R3HDM1: variants seen among roughly 807,000 people sequenced by gnomAD.
R3HDM1 encodes R3H domain containing 1.
Under a neutral mutation model 141.1 loss-of-function variants are expected in R3HDM1, and 46 were observed. The ratio of observed to expected loss-of-function variants is 0.33; its 90% CI spans 0.26 to 0.42. The LOEUF is 0.42. Ranked by LOEUF, R3HDM1 falls within the 10% of genes least tolerant of loss-of-function variation. The pLI is 1.00. For synonymous variants in R3HDM1, 435 were observed against 472.9 expected (o/e 0.92, Z 1.04); for missense variants, 1,184 against 1,368.3 (o/e 0.87, Z 2.12).
chr2:135,626,389 A>T (rs1185285285), intron 7 of R3HDM1, among the ~76,000 whole-genome samples: 1 of 152,178 alleles, frequency 6.6e-6, no homozygotes, highest in Admixed American at 6.5e-5. Flanking sequence ...TTAGATTCAG[A>T]AGTTAGAAAT....
intron 1 of R3HDM1, among the ~76,000 whole-genome samples, chr2:135,534,913 T>C (rs1695725819): frequency 6.6e-6 from 1 of 152,200 alleles, no homozygotes; most frequent in Non-Finnish European, 1.5e-5. Flanking sequence ...AGAAATAAAG[T>C]AGTGAAAATT....
chr2:135,556,307 CACT>C (rs1700751029), intron 1 of R3HDM1, among the ~76,000 whole-genome samples: 1 of 152,026 alleles, frequency 6.6e-6, no homozygotes, highest in African/African-American at 2.4e-5. Context: ...GTGAGGGTCA[CACT>C]ACTCCGAATA....
At chr2:135,621,650 A>C in intron 6 of R3HDM1, 42 bp downstream of exon 6, 1 of 1,485,502 alleles carries the variant, frequency 6.7e-7, no homozygotes, top group Admixed American at 2.4e-5. Flanking sequence ...AAATTTTGCT[A>C]TCAGTAATTC....
At chr2:135,677,018 T>C (rs532406121) in intron 20 of R3HDM1, among the ~76,000 whole-genome samples, 21 of 152,314 alleles carry the variant, frequency 1.4e-4, no homozygotes, top group African/African-American at 4.3e-4. Context: ...GGTTAAGGAC[T>C]TGATTTGAAG....
At chr2:135,605,112 G>C in intron 3 of R3HDM1, 96 bp downstream of exon 3, 2 of 1,143,654 alleles carry the variant, frequency 1.7e-6, no homozygotes, top group Non-Finnish European at 2.4e-6. Context: ...ATTCTAAAAG[G>C]GTAAGTTGAC....
intron 1 of R3HDM1, among the ~76,000 whole-genome samples, chr2:135,549,178 A>G (rs1239916395): frequency 6.6e-6 from 1 of 152,230 alleles, no homozygotes; most frequent in Non-Finnish European, 1.5e-5. Context: ...ATGCATTTAT[A>G]TGCATATGCA....
chr2:135,706,425 AGG>A (rs1427526906), intron 21 of R3HDM1, among the ~76,000 whole-genome samples: 3 of 148,916 alleles, frequency 2.0e-5, no homozygotes, highest in East Asian at 3.9e-4. Context: ...TTTCTCGCAG[AGG>A]GGGATTTGGC....
intron 21 of R3HDM1, among the ~76,000 whole-genome samples, chr2:135,705,720 A>G (rs1045027732): frequency 1.3e-5 from 2 of 152,148 alleles, no homozygotes; most frequent in African/African-American, 2.4e-5. Context: ...CATTTTTTTT[A>G]TCATGGCTTC....
chr2:135,605,081 A>G lies in R3HDM1; in HGVS notation c.171+65A>G. 3.8e-6 allele frequency: 5 copies of G among 1,331,270 alleles called. No homozygotes were observed. In the South Asian group the frequency reaches 4.3e-5, roughly 11 times the overall value. 82.5% of individuals were successfully genotyped at this position (1,331,270 alleles called of 1,614,324 possible). A position where few individuals can be genotyped will look rare whatever the true frequency, so the allele number is the denominator to read the frequency against. On this transcript the variant is annotated intron_variant, in intron 3 of 26. Coordinates refer to ENST00000683871, the MANE Select transcript of R3HDM1 (RefSeq NM_001378107.1). ...TCAGTATATATTTATGTTTATTTTC[A>G]TACAAAACTCACTTCTCAAAATTCT...
chr2:135,588,747 A>C (rs907460607), intron 1 of R3HDM1, among the ~76,000 whole-genome samples: 1 of 152,086 alleles, frequency 6.6e-6, no homozygotes, highest in Admixed American at 6.6e-5. Context: ...GATTTATAGA[A>C]AGCAATTTAA....
chr2:135,720,292 A>C (rs1167492782), intron 24 of R3HDM1, among the ~76,000 whole-genome samples: 4 of 152,124 alleles, frequency 2.6e-5, no homozygotes, highest in African/African-American at 9.7e-5. Context: ...AGGCATCTTC[A>C]CTGTGTTCAC....
chr2:135,531,536 T>A lies in R3HDM1; in HGVS notation c.-347T>A, dbSNP rs1048082456. The A allele has an allele frequency of 1.0e-6, 1 of 984,194 alleles. No homozygotes were observed. The highest frequency in any genetic ancestry group is 1.8e-5 in the African/African-American group (1 of 56,622). 61.0% of individuals were successfully genotyped at this position (984,194 alleles called of 1,614,324 possible). A position where few individuals can be genotyped will look rare whatever the true frequency, so the allele number is the denominator to read the frequency against. ...GCCGGTGTCCGGGCTGGTGATGGGG[T>A]TAATTCCCTTTCGTAAGACTCTTAC... On this transcript the variant is annotated 5_prime_UTR_variant, in exon 1 of 27. Transcript: ENST00000683871.
chr2:135,660,957 C>A (rs1485334569), intron 18 of R3HDM1, among the ~76,000 whole-genome samples: 1 of 151,668 alleles, frequency 6.6e-6, no homozygotes, highest in Admixed American at 6.6e-5. Context: ...ATAATGGCTT[C>A]TATGGAAGTT....
At chr2:135,692,692 A>C (rs1217951675) in intron 21 of R3HDM1, among the ~76,000 whole-genome samples, 6 of 152,144 alleles carry the variant, frequency 3.9e-5, no homozygotes, top group African/African-American at 1.4e-4. Context: ...TTAAAAAAAA[A>C]GGCCAAAAAT....
Position 135,645,401 on chromosome 2 carries a change from T to C in R3HDM1, c.1497T>C (p.Asp499=), listed in dbSNP as rs1246971044. 1 of 1,611,280 alleles carries C rather than the reference T, an allele frequency of 6.2e-7. No individual in the cohort carries two copies. The highest frequency in any genetic ancestry group is 8.5e-7 in the Non-Finnish European group (1 of 1,177,868). ...CAGGTCAGCCCTTCATAAACCCAGA[T>C]GGGAGTCCAGTTGTGTATAATCCTC... The part of the protein sequence containing the change: ...PQTGQPFINP[D]GSPVVYNPPM... Residue 499 remains aspartate, a synonymous_variant, in exon 16 of 27, where the codon GAT becomes GAC. Transcript: ENST00000683871.
chr2:135,613,059 G>A (rs577484933), intron 3 of R3HDM1, among the ~76,000 whole-genome samples: 1 of 152,274 alleles, frequency 6.6e-6, no homozygotes, highest in South Asian at 2.1e-4. Context: ...TTCTATTGCT[G>A]CATAAAAATT....
rs143565786 is a variant in R3HDM1 at position 135,556,032 on chromosome 2, G to A, written c.-250+24399G>A. ...CCCTGTCCCAAGTGGGGGGATGGGG[G>A]GAGGGAAGGGAAGGAATGAAGTGTT... On this transcript the variant is annotated intron_variant, in intron 1 of 26. Coordinates refer to ENST00000683871, the MANE Select transcript of R3HDM1 (RefSeq NM_001378107.1). 1.3e-4 allele frequency among the ~76,000 whole-genome samples: 20 copies of A among 152,114 alleles called. No individual in the cohort carries two copies. The East Asian group carries it at 3.5e-3, about 26-fold the overall frequency.
In R3HDM1 at chr2:135,709,601, T is replaced by TA. The variant is rs1304700575; in HGVS notation, c.2563+66dup. On this transcript the variant is annotated intron_variant, in intron 22 of 26. Coordinates refer to ENST00000683871, the MANE Select transcript of R3HDM1 (RefSeq NM_001378107.1). The stretch of plus-strand genomic sequence containing the variant: ...TGAGAAATAGTTCGATTACTTTCCT[T>TA]AGGCATTTCTACAAAAAGCTTCTCA... 3 of 1,563,878 alleles carry TA rather than the reference T, an allele frequency of 1.9e-6. No individual in the cohort carries two copies. In the African/African-American group the frequency reaches 4.1e-5, roughly 21 times the overall value.
Position 135,613,385 on chromosome 2 carries a change from C to A in R3HDM1, c.172-2767C>A, listed in dbSNP as rs150357983. 8.5e-5 allele frequency among the ~76,000 whole-genome samples: 13 copies of A among 152,328 alleles called. No homozygotes were observed. The East Asian group carries it at 2.5e-3, about 29-fold the overall frequency. ...AACGATATGTCGAGTCCTTCTCACG[C>A]TTTAAATCTCTCTGACTTGCCCCCG... is the stretch of plus-strand genomic sequence containing the variant. On this transcript the variant is annotated intron_variant, in intron 3 of 26. Coordinates refer to ENST00000683871, the MANE Select transcript of R3HDM1 (RefSeq NM_001378107.1).
Sources: allele counts gnomAD v4.1 joint callset (sites outside exome capture counted in the v4.1 genomes callset), GRCh38; gene constraint gnomAD v4.1.1; transcripts MANE v1.5; gene names NCBI Gene and HGNC (gene_info 2026-07-23, HGNC 2026-07-21).